DOCK5: variants seen among roughly 807,000 people sequenced by gnomAD.
The protein encoded by DOCK5 is dedicator of cytokinesis protein 5.
A neutral mutation model predicts 251.8 loss-of-function variants in DOCK5; 142 were observed. The ratio of observed to expected loss-of-function variants is 0.56; its 90% CI spans 0.49 to 0.65. DOCK5 has a LOEUF of 0.65. Ranked by LOEUF, DOCK5 falls within the 30% of genes least tolerant of loss-of-function variation. The pLI is 0.00. For synonymous variants in DOCK5, 842 were observed against 835.5 expected (o/e 1.01, Z -0.13); for missense variants, 2,111 against 2,312.3 (o/e 0.91, Z 1.79).
chr8:25,246,705 T>C (rs78717028), intron 2 of DOCK5, among the ~76,000 whole-genome samples: 2,703 of 9,860 alleles, frequency 0.27, 153 homozygotes, highest in African/African-American at 0.42. Context: ...CATGTTAGTT[T>C]GTGTGTGTGT....
chr8:25,261,979 CATAGTT>C (rs1433920121), intron 2 of DOCK5, among the ~76,000 whole-genome samples: 1 of 152,178 alleles, frequency 6.6e-6, no homozygotes, highest in African/African-American at 2.4e-5. Context: ...TATTATATAT[CATAGTT>C]ATAGTATAGT....
chr8:25,202,862 G>A (rs760750856), intron 1 of DOCK5, among the ~76,000 whole-genome samples: 2 of 152,158 alleles, frequency 1.3e-5, no homozygotes, highest in African/African-American at 2.4e-5. Flanking sequence ...CACCAGCACT[G>A]CAATACCCCG....
At chr8:25,400,499 A>AAAAAAAAG (rs1801419984) in intron 46 of DOCK5, among the ~76,000 whole-genome samples, 1 of 150,894 alleles carries the variant, frequency 6.6e-6, no homozygotes, top group African/African-American at 2.4e-5. Context: ...CTCCATCTCA[A>AAAAAAAAG]AAAAAAAAAA....
At position 25,248,813 on chromosome 8, in the gene DOCK5, A is replaced by C. The variant is rs573055829; in HGVS notation, c.127+5056A>C. Among the ~76,000 whole-genome samples, 66 of 152,180 alleles carry C rather than the reference A, an allele frequency of 4.3e-4. 1 individual carries two copies. Among genetic ancestry groups the C allele is most frequent in the African/African-American group, 1.6e-3 (66 of 41,536 alleles). On this transcript the variant is annotated intron_variant, in intron 2 of 51. Coordinates refer to ENST00000276440, the MANE Select transcript of DOCK5 (RefSeq NM_024940.8). ...CAACAATCTATTGAATGATGAAGGTAAAATAGGAGACCAAGGCAAGCTGGT... is the reference window on the plus strand; with the variant it reads ...CAACAATCTATTGAATGATGAAGGTCAAATAGGAGACCAAGGCAAGCTGGT...
intron 2 of DOCK5, among the ~76,000 whole-genome samples, chr8:25,265,349 C>T (rs200356555): frequency 2.0e-5 from 3 of 151,922 alleles, no homozygotes; most frequent in Admixed American, 6.5e-5. Flanking sequence ...CAGTCTCTTG[C>T]GCTGAACTCT....
intron 37 of DOCK5, chr8:25,376,052 T>A (rs1319805225): frequency 1.0e-6 from 1 of 958,400 alleles, no homozygotes; most frequent in Admixed American, 6.7e-5. Context: ...TATGCTGAGA[T>A]GGTGCCACCA....
chr8:25,202,277 C>A (rs770132864), intron 1 of DOCK5, among the ~76,000 whole-genome samples: 21 of 152,172 alleles, frequency 1.4e-4, no homozygotes, highest in Admixed American at 4.6e-4. Flanking sequence ...CTCGGCCTCC[C>A]AAACTGTTGG....
At chr8:25,322,626 A>G (rs1046588918) in intron 16 of DOCK5, among the ~76,000 whole-genome samples, 3 of 152,238 alleles carry the variant, frequency 2.0e-5, no homozygotes, top group Admixed American at 2.0e-4. Context: ...ATGTGAAGCT[A>G]TATTTGTACA....
intron 3 of DOCK5, among the ~76,000 whole-genome samples, chr8:25,272,396 T>C (rs1482414163): frequency 6.6e-6 from 1 of 152,244 alleles, no homozygotes; most frequent in Non-Finnish European, 1.5e-5. Flanking sequence ...GCTTATGATC[T>C]GCTTAGATGT....
chr8:25,286,332 G>A (rs1804331892), intron 5 of DOCK5, among the ~76,000 whole-genome samples: 1 of 152,188 alleles, frequency 6.6e-6, no homozygotes, highest in Non-Finnish European at 1.5e-5. Context: ...TCAGGAAGCT[G>A]CCTGGGAGGA....
chr8:25,401,387 C>T (rs1320893162), intron 47 of DOCK5, among the ~76,000 whole-genome samples: 1 of 152,074 alleles, frequency 6.6e-6, no homozygotes, highest in Non-Finnish European at 1.5e-5. Context: ...CTGAGAAGTT[C>T]CCGGGTGATA....
chr8:25,382,650 G>C (rs745492636), intron 39 of DOCK5, 24 bp from the exon 40 acceptor site: 1 of 1,568,152 alleles, frequency 6.4e-7, no homozygotes, highest in Non-Finnish European at 8.7e-7. Context: ...ACCTCCCCTT[G>C]GAATGTCTTG....
intron 26 of DOCK5, among the ~76,000 whole-genome samples, chr8:25,348,305 AGTT>A (rs1200977022): frequency 1.3e-5 from 2 of 152,056 alleles, no homozygotes; most frequent in Non-Finnish European, 1.5e-5. Flanking sequence ...ACCTCTGTGA[AGTT>A]GTCTCTGGTG....
intron 50 of DOCK5, chr8:25,409,473 C>T (rs1051610994): frequency 4.3e-4 from 71 of 166,452 alleles, no homozygotes; most frequent in African/African-American, 1.5e-3. Context: ...TTCCTAAGCA[C>T]TTGGGCTATA....
chr8:25,368,825 G>A, intron 33 of DOCK5, 100 bp downstream of exon 33: 1 of 1,231,274 alleles, frequency 8.1e-7, no homozygotes, highest in Non-Finnish European at 1.1e-6. Context: ...AATAATGCAA[G>A]TCCATGTTGA....
At position 25,273,446 on chromosome 8, in the gene DOCK5, T is replaced by C. The variant is rs547081475; in HGVS notation, c.169-1940T>C. On this transcript the variant is annotated intron_variant, in intron 3 of 51. Transcript: ENST00000276440. The stretch of plus-strand genomic sequence containing the variant: ...GGTGAAATCCTGTCTCTACTAAAAA[T>C]ACAAAAATTAGCCGGGCATGGTGGT... 1.4e-3 allele frequency among the ~76,000 whole-genome samples: 218 copies of C among 152,172 alleles called. 4 individuals are homozygous for C. Among genetic ancestry groups the C allele is most frequent in the Non-Finnish European group, 1.8e-3 (122 of 68,004 alleles).
intron 25 of DOCK5, among the ~76,000 whole-genome samples, chr8:25,343,606 T>A (rs1800298278): frequency 6.6e-6 from 1 of 152,202 alleles, no homozygotes; most frequent in Non-Finnish European, 1.5e-5. Context: ...GAAATTATTC[T>A]TCTTTAGTCT....
At chr8:25,290,841 TG>T (rs1437069957) in intron 5 of DOCK5, among the ~76,000 whole-genome samples, 1 of 152,154 alleles carries the variant, frequency 6.6e-6, no homozygotes, top group Non-Finnish European at 1.5e-5. Flanking sequence ...GCACTGTGGG[TG>T]GGACCGCTAA....
At chr8:25,331,023 C>T (rs187056829) in intron 18 of DOCK5, among the ~76,000 whole-genome samples, 24 of 152,110 alleles carry the variant, frequency 1.6e-4, no homozygotes, top group Admixed American at 1.1e-3. Context: ...TTGCAGGTTG[C>T]AATGAGCTGA....
Sources: gnomAD v4.1 joint callset for allele counts (sites outside exome capture counted in the v4.1 genomes callset) on GRCh38, gnomAD v4.1.1 for gene constraint, MANE v1.5 for transcripts, NCBI Gene and HGNC (gene_info 2026-07-23, HGNC 2026-07-21) for gene names.